The following DHX9 variants were observed in gnomAD, a reference collection of about 807,000 sequenced individuals.
DHX9 encodes ATP-dependent RNA helicase A.
Under a neutral mutation model 148.7 loss-of-function variants are expected in DHX9, and 27 were observed. That is an observed-to-expected ratio of 0.18 (90% CI 0.13 to 0.25). The LOEUF is 0.25. Among genes scored for constraint, DHX9 ranks in the 10% least tolerant of loss-of-function variants. The pLI, the probability that DHX9 is intolerant of heterozygous loss-of-function variation, is 1.00. For missense variants in DHX9, 796 were observed against 1,559.6 expected, an observed-to-expected ratio of 0.51 and a Z score of 8.25; for synonymous variants, 529 against 516.6, an observed-to-expected ratio of 1.02 and a Z score of -0.33.
intron 12 of DHX9, among the ~76,000 whole-genome samples, chr1:182,865,037 A>G (rs1480827684): frequency 6.6e-6 from 1 of 152,226 alleles, no homozygotes; most frequent in Non-Finnish European, 1.5e-5. Context: ...CTAATATTTT[A>G]AGTCTTTCTA....
rs1433318348 is a variant in DHX9, at chr1:182,876,171, C to A, written c.1937C>A (p.Thr646Asn). 5.6e-6 allele frequency: 9 copies of A among 1,613,874 alleles called. No individual in the cohort carries two copies. Among genetic ancestry groups the A allele is most frequent in the Non-Finnish European group, 7.6e-6 (9 of 1,179,898 alleles). ...GAGGCTCTACTTAAGTACATTGAAA[C>A]CCTTAATGTTCCTGGAGCTGTGTTG... ...LIEALLKYIE[T>N]LNVPGAVLVF... The change falls in exon 17 of 28, where the codon ACC (threonine) becomes AAC (asparagine). Residue 646 changes from threonine (T) to asparagine (N), a missense_variant. Transcript: ENST00000367549.
chr1:182,856,171 G>A (rs1383088339), intron 6 of DHX9, among the ~76,000 whole-genome samples: 2 of 152,064 alleles, frequency 1.3e-5, no homozygotes, highest in African/African-American at 4.8e-5. Flanking sequence ...AAACATTTGG[G>A]GCCTACTTTA....
intron 3 of DHX9, among the ~76,000 whole-genome samples, 167 bp downstream of exon 3, chr1:182,843,601 A>G (rs1164986870): frequency 6.6e-6 from 1 of 152,196 alleles, no homozygotes; most frequent in East Asian, 1.9e-4. Flanking sequence ...ATTTCTGAAG[A>G]TGTGGATTGC....
chr1:182,865,252 A>C (rs1648244435), intron 12 of DHX9, among the ~76,000 whole-genome samples: 1 of 152,226 alleles, frequency 6.6e-6, no homozygotes, highest in Non-Finnish European at 1.5e-5. Flanking sequence ...CTTGATGGAC[A>C]GATACAGAGC....
chr1:182,844,048 A>G (rs577336439), intron 3 of DHX9, among the ~76,000 whole-genome samples: 11 of 152,290 alleles, frequency 7.2e-5, no homozygotes, highest in Middle Eastern at 3.4e-3. Context: ...TCCTGGGTTC[A>G]AGCGATTCTC....
Position 182,883,292 on chromosome 1 carries a change from A to G in DHX9, c.3068A>G (p.His1023Arg), listed in dbSNP as rs1191921449. ...ACTGAAGGGCGTAATGCACTTATCCACAAATCATCTGTTAATTGTCCTTTT... is the reference window on the plus strand; with the variant it reads ...ACTGAAGGGCGTAATGCACTTATCCGCAAATCATCTGTTAATTGTCCTTTT... ...LTTEGRNALI[H>R]KSSVNCPFSS... The change falls in exon 25 of 28, where the codon CAC (histidine) becomes CGC (arginine). Residue 1023 changes from histidine to arginine, a missense_variant. Around this residue, in one of 14 missense-constraint regions of DHX9, gnomAD observed 14 missense variants for 87.5 expected, o/e 0.16. Transcript: ENST00000367549. The G allele has an allele frequency of 6.2e-7, 1 of 1,614,090 alleles. No homozygotes were observed. Among genetic ancestry groups the G allele is most frequent in the Non-Finnish European group, 8.5e-7 (1 of 1,180,032 alleles).
intron 19 of DHX9, 196 bp downstream of exon 19, chr1:182,877,099 T>G: frequency 2.1e-6 from 1 of 480,194 alleles, no homozygotes; most frequent in South Asian, 3.2e-5. Context: ...TCAGTTACGG[T>G]AGAAAGTGAC....
intron 3 of DHX9, among the ~76,000 whole-genome samples, chr1:182,846,926 T>C (rs1668042480): frequency 6.6e-6 from 1 of 152,054 alleles, no homozygotes; most frequent in East Asian, 1.9e-4. Context: ...TTCCACTGTT[T>C]CTCAAATTGA....
chr1:182,881,440 T>C lies in DHX9; in HGVS notation c.2786+15T>C, dbSNP rs1271451036. 1 of 1,612,380 alleles carries C rather than the reference T, an allele frequency of 6.2e-7. No homozygotes were observed. The highest frequency in any genetic ancestry group is 1.1e-5 in the South Asian group (1 of 90,802). The stretch of plus-strand genomic sequence containing the variant: ...GATGATGCTAGGTATGAGTAAGATT[T>C]GGGTGAGCTGTCTGTAGTTTCTCAT... On this transcript the variant is annotated intron_variant, in intron 23 of 27. Transcript: ENST00000367549.
chr1:182,850,082 CTAAT>C (rs1425072955), intron 3 of DHX9, among the ~76,000 whole-genome samples: 2 of 148,594 alleles, frequency 1.3e-5, no homozygotes, highest in African/African-American at 2.5e-5. Context: ...ACTGGATTCT[CTAAT>C]TATCTTTCTG....
Position 182,884,901 on chromosome 1 carries a change from C to T in DHX9, c.3461+88C>T, listed in dbSNP as rs1649255454. ...ATTCCTGAAGTTAGTGATAGAAGCC[C>T]TATTACTTAAGTAAAATTCTAGATA... On this transcript the variant is annotated intron_variant, in intron 27 of 27. Transcript: ENST00000367549. The T allele has an allele frequency of 3.1e-6, 4 of 1,270,198 alleles. No individual in the cohort carries two copies. The Admixed American group carries it at 7.4e-5, about 24-fold the overall frequency. 78.7% of individuals were successfully genotyped at this position (1,270,198 alleles called of 1,614,324 possible).
chr1:182,884,270 C>CA (rs200609431), intron 26 of DHX9, among the ~76,000 whole-genome samples: 19 of 149,858 alleles, frequency 1.3e-4, no homozygotes, highest in South Asian at 1.1e-3. Flanking sequence ...GACTCTGTCT[C>CA]AAAAAAAAAG....
At chr1:182,844,268 A>G (rs1667985500) in intron 3 of DHX9, among the ~76,000 whole-genome samples, 1 of 152,224 alleles carries the variant, frequency 6.6e-6, no homozygotes, top group Non-Finnish European at 1.5e-5. Context: ...TCCTTATATA[A>G]CAAAATAGTA....
intron 11 of DHX9, among the ~76,000 whole-genome samples, chr1:182,859,369 TTTTG>T (rs1386704327): frequency 1.3e-5 from 2 of 152,212 alleles, no homozygotes; most frequent in African/African-American, 2.4e-5. Flanking sequence ...TTGTTGGTTT[TTTTG>T]TTTGTTTTAG....
At chr1:182,842,381 C>G (rs866935723) in intron 1 of DHX9, among the ~76,000 whole-genome samples, 164 bp from the exon 2 acceptor site, 1 of 151,412 alleles carries the variant, frequency 6.6e-6, no homozygotes, top group East Asian at 1.9e-4. Context: ...CTTTTTCTTA[C>G]AACATATAAA....
intron 24 of DHX9, among the ~76,000 whole-genome samples, chr1:182,882,589 G>A (rs997633159): frequency 5.3e-5 from 8 of 152,028 alleles, no homozygotes; most frequent in African/African-American, 1.9e-4. Context: ...CACCCCGGCC[G>A]GGCGCAGTGG....
At chr1:182,853,848 A>G (rs930061228) in intron 5 of DHX9, among the ~76,000 whole-genome samples, 182 bp from the exon 6 acceptor site, 9 of 151,820 alleles carry the variant, frequency 5.9e-5, no homozygotes, top group Non-Finnish European at 8.8e-5. Context: ...GCTTGTTTAT[A>G]TAATAGGGCC....
chr1:182,867,264 TGTAAA>T (rs1263335722), intron 14 of DHX9, among the ~76,000 whole-genome samples: 2 of 152,220 alleles, frequency 1.3e-5, no homozygotes, highest in African/African-American at 4.8e-5. Context: ...AGACCTATGT[TGTAAA>T]GTATAACTGC....
chr1:182,850,050 A>G (rs1039601321), intron 3 of DHX9, among the ~76,000 whole-genome samples: 3 of 149,264 alleles, frequency 2.0e-5, no homozygotes, highest in Non-Finnish European at 4.4e-5. Context: ...CAACCCATCA[A>G]AATTTTTCTG....
Sources: gnomAD v4.1 joint callset for allele counts (sites outside exome capture counted in the v4.1 genomes callset) on GRCh38, gnomAD v4.1.1 for gene constraint, gnomAD v4.1.1 regional missense constraint, MANE v1.5 for transcripts, NCBI Gene and HGNC (gene_info 2026-07-23, HGNC 2026-07-21) for gene names.